The following LRP1B variants were observed in gnomAD, a reference collection of about 807,000 sequenced individuals.
The protein encoded by LRP1B is low-density lipoprotein receptor-related protein 1B.
LRP1B carries 217 observed loss-of-function variants against 556.6 expected under a neutral mutation model. That is an observed-to-expected ratio of 0.39 (90% CI 0.35 to 0.44). LRP1B has a LOEUF of 0.44. LRP1B is among the 20% of genes least tolerant of loss of function. LRP1B has a pLI of 1.00. For synonymous variants in LRP1B, 2,047 were observed against 1,865.8 expected (o/e 1.10, Z -2.50); for missense variants, 5,053 against 5,620.8 (o/e 0.90, Z 3.23).
At chr2:140,566,819 G>GC (rs1396537992) in intron 43 of LRP1B, among the ~76,000 whole-genome samples, 1 of 152,170 alleles carries the variant, frequency 6.6e-6, no homozygotes, top group Non-Finnish European at 1.5e-5. Context: ...CCTCAACAGT[G>GC]CCTAAGTTAA....
At chr2:141,222,232 A>G (rs1223082456) in intron 6 of LRP1B, among the ~76,000 whole-genome samples, 1 of 152,234 alleles carries the variant, frequency 6.6e-6, no homozygotes, top group Non-Finnish European at 1.5e-5. Flanking sequence ...ACAGAAATAC[A>G]AACAACCATC....
intron 2 of LRP1B, among the ~76,000 whole-genome samples, chr2:141,716,782 T>C (rs936294070): frequency 6.6e-6 from 1 of 152,222 alleles, no homozygotes; most frequent in Non-Finnish European, 1.5e-5. Flanking sequence ...TCTAGACTAA[T>C]ATGTCTAGCT....
At chr2:140,465,258 C>T (rs376620554) in intron 60 of LRP1B, among the ~76,000 whole-genome samples, 4 of 152,252 alleles carry the variant, frequency 2.6e-5, no homozygotes, top group East Asian at 3.9e-4. Context: ...AAGGGATCTG[C>T]CCCATGACCC....
At chr2:141,598,196 G>A (rs545799606) in intron 2 of LRP1B, among the ~76,000 whole-genome samples, 31 of 152,048 alleles carry the variant, frequency 2.0e-4, no homozygotes, top group African/African-American at 6.7e-4. Flanking sequence ...TAATCATAAA[G>A]GTAGACTATG....
intron 13 of LRP1B, among the ~76,000 whole-genome samples, 155 bp from the exon 14 acceptor site, chr2:141,013,900 T>A (rs1217381643): frequency 6.6e-6 from 1 of 152,050 alleles, no homozygotes. Flanking sequence ...TTTCACAATG[T>A]GAGCATATTT....
intron 2 of LRP1B, among the ~76,000 whole-genome samples, chr2:141,575,210 A>G (rs1021698284): frequency 6.6e-6 from 1 of 152,238 alleles, no homozygotes; most frequent in Admixed American, 6.5e-5. Context: ...ACTGCAAACT[A>G]TACTACAAGG....
intron 2 of LRP1B, among the ~76,000 whole-genome samples, chr2:141,716,066 C>T (rs572890662): frequency 6.6e-6 from 1 of 152,224 alleles, no homozygotes; most frequent in Admixed American, 6.5e-5. Flanking sequence ...TATATATGGA[C>T]CCCTCAACCA....
intron 66 of LRP1B, among the ~76,000 whole-genome samples, chr2:140,435,733 C>T (rs1686149172): frequency 6.6e-6 from 1 of 151,458 alleles, no homozygotes; most frequent in South Asian, 2.1e-4. Context: ...AGAGTCAATG[C>T]ACAAAAGTTA....
intron 3 of LRP1B, among the ~76,000 whole-genome samples, chr2:141,478,646 A>G (rs1243880391): frequency 6.6e-6 from 1 of 151,606 alleles, no homozygotes; most frequent in Non-Finnish European, 1.5e-5. Flanking sequence ...TGGGTTCAAG[A>G]AATTCTCCTG....
chr2:141,750,660 C>G (rs1000225883), intron 2 of LRP1B, among the ~76,000 whole-genome samples: 1 of 152,088 alleles, frequency 6.6e-6, no homozygotes. Context: ...AGCAATGGGT[C>G]TGTCAGATAA....
intron 17 of LRP1B, among the ~76,000 whole-genome samples, chr2:140,987,920 G>A (rs1696975273): frequency 1.3e-5 from 2 of 152,056 alleles, no homozygotes; most frequent in South Asian, 4.1e-4. Flanking sequence ...GGAGGCGAAA[G>A]TTGCAGTGAG....
intron 77 of LRP1B, among the ~76,000 whole-genome samples, chr2:140,344,524 G>A (rs1162347607): frequency 6.6e-6 from 1 of 151,778 alleles, no homozygotes; most frequent in African/African-American, 2.4e-5. Flanking sequence ...AAGACTGCCT[G>A]ATTTATGAGT....
At chr2:141,670,591 T>C (rs1193913649) in intron 2 of LRP1B, among the ~76,000 whole-genome samples, 1 of 152,176 alleles carries the variant, frequency 6.6e-6, no homozygotes, top group Non-Finnish European at 1.5e-5. Context: ...AGTCTAACAA[T>C]GTGACAGGCT....
intron 7 of LRP1B, among the ~76,000 whole-genome samples, chr2:141,137,625 A>C (rs1201782278): frequency 1.3e-5 from 2 of 151,944 alleles, no homozygotes; most frequent in African/African-American, 2.4e-5. Context: ...ATTGTGAATA[A>C]TATTGCAATA....
chr2:141,101,221 C>G (rs1042162307), intron 7 of LRP1B, among the ~76,000 whole-genome samples: 1 of 152,118 alleles, frequency 6.6e-6, no homozygotes, highest in Non-Finnish European at 1.5e-5. Flanking sequence ...AGAGCAGGAC[C>G]AGGGAAGACT....
chr2:140,330,298 C>CT, intron 79 of LRP1B, among the ~76,000 whole-genome samples: 1 of 151,274 alleles, frequency 6.6e-6, no homozygotes, highest in East Asian at 2.0e-4. Flanking sequence ...AAGAACAAAG[C>CT]TGGAGGCATC....
intron 3 of LRP1B, among the ~76,000 whole-genome samples, chr2:141,413,682 C>T (rs547327804): frequency 1.3e-5 from 2 of 151,002 alleles, no homozygotes; most frequent in Non-Finnish European, 3.0e-5. Context: ...GAGGGAGAGG[C>T]AGGCAAACTC....
intron 2 of LRP1B, among the ~76,000 whole-genome samples, chr2:141,541,609 C>A (rs934417784): frequency 2.6e-5 from 4 of 151,986 alleles, no homozygotes; most frequent in Non-Finnish European, 4.4e-5. Context: ...AATTCTCAGT[C>A]CCATGTATTC....
chr2:140,296,644 C>A (rs768454693), intron 84 of LRP1B, among the ~76,000 whole-genome samples: 46 of 149,772 alleles, frequency 3.1e-4, no homozygotes, highest in Non-Finnish European at 6.2e-4. Context: ...AATATAGATA[C>A]CCCAACACAG....
Sources: allele counts gnomAD v4.1 joint callset (sites outside exome capture counted in the v4.1 genomes callset), GRCh38; gene constraint gnomAD v4.1.1; transcripts MANE v1.5; gene names NCBI Gene and HGNC (gene_info 2026-07-23, HGNC 2026-07-21).